The following PPM1E variants were observed in gnomAD, a reference collection of about 807,000 sequenced individuals.
PPM1E encodes the protein protein phosphatase, Mg2+/Mn2+ dependent 1E.
A neutral mutation model predicts 65.9 loss-of-function variants in PPM1E; 20 were observed. The observed-to-expected ratio is 0.30, with a 90% CI of 0.21 to 0.44. The LOEUF is 0.44. Among genes scored for constraint, PPM1E ranks in the 20% least tolerant of loss-of-function variants. The pLI, the probability that PPM1E is intolerant of heterozygous loss-of-function variation, is 1.00. For missense variants in PPM1E, 713 were observed against 953.1 expected, an observed-to-expected ratio of 0.75 and a Z score of 3.32; for synonymous variants, 352 against 374.9, an observed-to-expected ratio of 0.94 and a Z score of 0.70.
At chr17:58,869,554 A>G (rs776872369) in intron 1 of PPM1E, among the ~76,000 whole-genome samples, 2 of 152,136 alleles carry the variant, frequency 1.3e-5, no homozygotes, top group Admixed American at 6.6e-5. Context: ...TCCTTCTGCC[A>G]TGGGTGGAAG....
At chr17:58,862,391 G>A (rs556223974) in intron 1 of PPM1E, among the ~76,000 whole-genome samples, 5 of 152,274 alleles carry the variant, frequency 3.3e-5, no homozygotes, top group South Asian at 4.1e-4. Context: ...TATTTGTCTG[G>A]TAAGATGAGT....
Position 58,895,933 on chromosome 17 carries a change from G to A in PPM1E, c.465-59716G>A, listed in dbSNP as rs1005834993. 3.4e-5 allele frequency among the ~76,000 whole-genome samples: 5 copies of A among 146,052 alleles called. No individual in the cohort carries two copies. In the South Asian group the frequency reaches 8.8e-4, roughly 26 times the overall value. On this transcript the variant is annotated intron_variant, in intron 1 of 6. Coordinates refer to ENST00000308249, the MANE Select transcript of PPM1E (RefSeq NM_014906.5). ...ATCCTAGCTAACACGGTTAAACCCCGTCTCTGCTAAACATACAAAAAAAAA... is the reference window on the plus strand; with the variant it reads ...ATCCTAGCTAACACGGTTAAACCCCATCTCTGCTAAACATACAAAAAAAAA...
chr17:58,875,448 A>G (rs2051117889), intron 1 of PPM1E, among the ~76,000 whole-genome samples: 1 of 152,178 alleles, frequency 6.6e-6, no homozygotes, highest in Non-Finnish European at 1.5e-5. Flanking sequence ...TACAGAAGCA[A>G]TGCTTTTTCT....
At position 58,816,032 on chromosome 17, in the gene PPM1E, T is replaced by TG. The variant is rs1191196756; in HGVS notation, c.464+59571_464+59572insG. On this transcript the variant is annotated intron_variant, in intron 1 of 6. Transcript: ENST00000308249. ...AGAATGTGTATAATATTTCTTTTTT[T>TG]TTGTTTTTTTGGAGTCGGAGTCTTG... 3.3e-5 allele frequency among the ~76,000 whole-genome samples: 5 copies of TG among 152,144 alleles called. No homozygotes were observed. The East Asian group carries it at 7.7e-4, about 23-fold the overall frequency.
At chr17:58,779,498 T>C (rs1165601694) in intron 1 of PPM1E, among the ~76,000 whole-genome samples, 2 of 152,150 alleles carry the variant, frequency 1.3e-5, no homozygotes, top group East Asian at 3.8e-4. Context: ...TCTGTTGTAT[T>C]TTATTCTTTA....
chr17:58,809,144 G>A (rs2050341873), intron 1 of PPM1E, among the ~76,000 whole-genome samples: 1 of 152,058 alleles, frequency 6.6e-6, no homozygotes. Flanking sequence ...CAGGCTGTAA[G>A]TGCAGTGGTG....
At chr17:58,859,232 G>A (rs1236114496) in intron 1 of PPM1E, among the ~76,000 whole-genome samples, 1 of 152,202 alleles carries the variant, frequency 6.6e-6, no homozygotes, top group Non-Finnish European at 1.5e-5. Context: ...GTGAGAAGGG[G>A]TGATGATCTG....
chr17:58,953,802 C>G (rs1431408710), intron 1 of PPM1E, among the ~76,000 whole-genome samples: 1 of 146,182 alleles, frequency 6.8e-6, no homozygotes, highest in Non-Finnish European at 1.5e-5. Context: ...GGCTAGAGTG[C>G]AATGGCACGA....
chr17:58,811,707 A>C (rs1209755844), intron 1 of PPM1E, among the ~76,000 whole-genome samples: 1 of 151,904 alleles, frequency 6.6e-6, no homozygotes, highest in East Asian at 1.9e-4. Flanking sequence ...AGTCTCACTC[A>C]GTCGCCAGGC....
In PPM1E at chr17:58,948,955, A is replaced by G. The variant is rs571958672; in HGVS notation, c.465-6694A>G. 2.6e-4 allele frequency among the ~76,000 whole-genome samples: 40 copies of G among 152,332 alleles called. No homozygotes were observed. The South Asian group carries it at 4.1e-3, about 16-fold the overall frequency. ...TGTAGTCAATTCTGGAGAATGTTCCATTTGCTAATAAAAAGAATGCATATT... is the reference window on the plus strand; with the variant it reads ...TGTAGTCAATTCTGGAGAATGTTCCGTTTGCTAATAAAAAGAATGCATATT... On this transcript the variant is annotated intron_variant, in intron 1 of 6. Coordinates refer to ENST00000308249, the MANE Select transcript of PPM1E (RefSeq NM_014906.5).
rs2031634610 is a variant in PPM1E at position 58,984,704 on chromosome 17, A to G, written c.*3673A>G. The G allele has an allele frequency of 6.5e-6, 1 of 152,684 alleles. No individual in the cohort carries two copies. The highest frequency in any genetic ancestry group is 1.5e-5 in the Non-Finnish European group (1 of 68,042). 9.5% of individuals were successfully genotyped at this position (152,684 alleles called of 1,614,324 possible). A position where few individuals can be genotyped will look rare whatever the true frequency, so the allele number is the denominator to read the frequency against. ...CAAAGTAAGATACCACCAGTATTAC[A>G]ACACAATGATTTTCCAGACAAATGG... On this transcript the variant is annotated 3_prime_UTR_variant, in exon 7 of 7. Coordinates refer to ENST00000308249, the MANE Select transcript of PPM1E (RefSeq NM_014906.5).
chr17:58,960,898 A>G (rs1219300525), intron 2 of PPM1E, among the ~76,000 whole-genome samples: 1 of 152,124 alleles, frequency 6.6e-6, no homozygotes, highest in Non-Finnish European at 1.5e-5. Flanking sequence ...CATAAAAAGG[A>G]TTTAAATTTA....
intron 1 of PPM1E, among the ~76,000 whole-genome samples, chr17:58,823,233 G>A (rs2050498402): frequency 6.6e-6 from 1 of 152,122 alleles, no homozygotes; most frequent in Non-Finnish European, 1.5e-5. Context: ...GGCTGAAATG[G>A]TCATATTTCT....
At position 58,945,177 on chromosome 17, in the gene PPM1E, C is replaced by T. The variant is rs117152947; in HGVS notation, c.465-10472C>T. 1.7e-3 allele frequency among the ~76,000 whole-genome samples: 256 copies of T among 150,192 alleles called. 7 individuals are homozygous for T. In the East Asian group the frequency reaches 0.044, roughly 26 times the overall value. On this transcript the variant is annotated intron_variant, in intron 1 of 6. Transcript: ENST00000308249. The stretch of plus-strand genomic sequence containing the variant: ...TTTTTTTTTTCGAGACTGAGTCTCA[C>T]TCTGTCATACAGACTGGAGTGCAGT...
intron 1 of PPM1E, among the ~76,000 whole-genome samples, chr17:58,931,064 A>C (rs2051888227): frequency 9.0e-6 from 1 of 111,184 alleles, no homozygotes; most frequent in Admixed American, 8.8e-5. Context: ...AAATACAAAA[A>C]TTAAAAAAAA....
At chr17:58,858,651 C>A (rs543809838) in intron 1 of PPM1E, among the ~76,000 whole-genome samples, 12 of 151,906 alleles carry the variant, frequency 7.9e-5, no homozygotes, top group Non-Finnish European at 1.5e-4. Flanking sequence ...GGATTTTATT[C>A]TTTTTCAGGC....
In PPM1E at chr17:58,972,246, C is replaced by T. The variant is rs149071868; in HGVS notation, c.1087C>T (p.Leu363=). The T allele has an allele frequency of 7.4e-6, 12 of 1,614,058 alleles. No homozygotes were observed. The highest frequency in any genetic ancestry group is 1.7e-4 in the Middle Eastern group (1 of 6,046). Residue 363 remains leucine (L), a synonymous_variant, in exon 5 of 7, where the codon CTA becomes TTA. Transcript: ENST00000308249. The part of the protein sequence containing the change: ...MLVRKGQAVE[L]MKPHKPDRED... ...TGTGAGAAAGGGCCAAGCTGTTGAA[C>T]TAATGAAGCCACACAAACCAGACAG...
intron 1 of PPM1E, among the ~76,000 whole-genome samples, chr17:58,941,164 G>A (rs1409864292): frequency 6.6e-6 from 1 of 152,152 alleles, no homozygotes; most frequent in Non-Finnish European, 1.5e-5. Context: ...CAGAGATTAG[G>A]TCTGTGAAGA....
rs965730230 is a variant in PPM1E, at chr17:58,809,685, C to G, written c.464+53224C>G. 2.0e-5 allele frequency among the ~76,000 whole-genome samples: 3 copies of G among 151,960 alleles called. No individual in the cohort carries two copies. In the South Asian group the frequency reaches 6.2e-4, roughly 31 times the overall value. Reference sequence around the variant, plus strand: ...GGCATGAGCCACTGTGCCCAGCCCCCCTCATTTTTTTCATTGCCACTTATC... The same window carrying G: ...GGCATGAGCCACTGTGCCCAGCCCCGCTCATTTTTTTCATTGCCACTTATC... On this transcript the variant is annotated intron_variant, in intron 1 of 6. Coordinates refer to ENST00000308249, the MANE Select transcript of PPM1E (RefSeq NM_014906.5).
Sources: allele counts gnomAD v4.1 joint callset (sites outside exome capture counted in the v4.1 genomes callset), GRCh38; gene constraint gnomAD v4.1.1; transcripts MANE v1.5; gene names NCBI Gene and HGNC (gene_info 2026-07-23, HGNC 2026-07-21).